Variants in DDX6 observed in about 807,000 individuals in gnomAD.
DDX6 encodes the protein DEAD-box helicase 6.
In DDX6, 7 loss-of-function variants were observed where a neutral mutation model predicts 60.6. The ratio of observed to expected loss-of-function variants is 0.12; its 90% CI spans 0.07 to 0.22. DDX6 has a LOEUF of 0.22. Ranked by LOEUF, DDX6 falls within the 10% of genes least tolerant of loss-of-function variation. The pLI is 1.00. For missense variants in DDX6, 270 were observed against 589.9 expected (o/e 0.46, Z 5.62); for synonymous variants, 207 against 201.0 (o/e 1.03, Z -0.25).
intron 2 of DDX6, among the ~76,000 whole-genome samples, chr11:118,784,514 AGTG>A (rs1259658458): frequency 4.0e-5 from 6 of 150,420 alleles, no homozygotes; most frequent in African/African-American, 1.5e-4. Context: ...GCTGGAGTGC[AGTG>A]ACACGATCTT....
intron 11 of DDX6, 27 bp from the exon 12 acceptor site, chr11:118,755,530 T>G: frequency 7.5e-7 from 1 of 1,328,954 alleles, no homozygotes; most frequent in Non-Finnish European, 1.1e-6. Flanking sequence ...TAATTTTCAT[T>G]TTTTCAATTT....
Position 118,781,163 on chromosome 11 carries a change from CT to C in DDX6, c.221del (p.Lys74ArgfsTer3). 1 of 1,606,004 alleles carries C rather than the reference CT, an allele frequency of 6.2e-7. No individual in the cohort carries two copies. Among genetic ancestry groups the C allele is most frequent in the Non-Finnish European group, 8.5e-7 (1 of 1,175,224 alleles). On this transcript the variant is annotated frameshift_variant, in exon 3 of 14. Coordinates refer to ENST00000534980, the MANE Select transcript of DDX6 (RefSeq NM_004397.6). LOFTEE classifies it high-confidence loss of function. ...GATCCTTTGGAGGGAGTTTTAAAGT[CT>C]TTTTCCAGTCATCACCAGGTCTAGA... ...TTIKPGDDWK[K>X]TLKLPPKDLR... is the part of the protein sequence containing the mutation.
chr11:118,789,989 G>C (rs752573764), intron 1 of DDX6: 1 of 152,214 alleles, frequency 6.6e-6, no homozygotes, highest in Non-Finnish European at 1.5e-5. Flanking sequence ...GCCCCTAGCG[G>C]AGTTAATTAC....
At chr11:118,780,569 G>A (rs1193992813) in intron 3 of DDX6, among the ~76,000 whole-genome samples, 2 of 152,114 alleles carry the variant, frequency 1.3e-5, no homozygotes, top group African/African-American at 2.4e-5. Context: ...CGCCTGCCTC[G>A]GCCTCCCAAA....
rs375808166 is a variant in DDX6 at position 118,758,907 on chromosome 11, G to C, written c.865-5C>G. 1.1e-4 allele frequency: 184 copies of C among 1,612,718 alleles called. No homozygotes were observed. Among genetic ancestry groups the C allele is most frequent in the Non-Finnish European group, 1.4e-4 (160 of 1,179,468 alleles). ...GGGTTTCTGCAAATGGGAATTCTGG[G>C]GGGGGAGCGGGAAAAAGATGAGTCG... On this transcript the variant is annotated splice_region_variant and splice_polypyrimidine_tract_variant and intron_variant, in intron 8 of 13. Coordinates refer to ENST00000534980, the MANE Select transcript of DDX6 (RefSeq NM_004397.6).
At chr11:118,757,368 CA>C in intron 9 of DDX6, 81 bp from the exon 10 acceptor site, 1 of 656,092 alleles carries the variant, frequency 1.5e-6, no homozygotes, top group South Asian at 2.6e-5. Flanking sequence ...CACGAACCAG[CA>C]AAAAAGAAAC....
At chr11:118,775,134 G>A (rs925222552) in intron 4 of DDX6, among the ~76,000 whole-genome samples, 3 of 152,092 alleles carry the variant, frequency 2.0e-5, no homozygotes, top group African/African-American at 4.8e-5. Flanking sequence ...GGACAACATG[G>A]TGAAACCCCG....
intron 13 of DDX6, among the ~76,000 whole-genome samples, chr11:118,752,897 G>A (rs1214465947): frequency 6.6e-6 from 1 of 151,952 alleles, no homozygotes. Flanking sequence ...GAAACCAGCC[G>A]GGGCAACATA....
chr11:118,749,190 T>C lies in DDX6; in HGVS notation c.*2915A>G, dbSNP rs1204188026. On this transcript the variant is annotated 3_prime_UTR_variant, in exon 14 of 14. Transcript: ENST00000534980. ...CACAACTGTACAACCAAAGGCTAAA[T>C]GATGAGTTGGATGTAGTTTTAATAT... 1.3e-5 allele frequency: 2 copies of C among 151,938 alleles called. No individual in the cohort carries two copies. Among genetic ancestry groups the C allele is most frequent in the East Asian group, 3.9e-4 (2 of 5,178 alleles). 9.4% of individuals were successfully genotyped at this position (151,938 alleles called of 1,614,324 possible). A position where few individuals can be genotyped will look rare whatever the true frequency, so the allele number is the denominator to read the frequency against.
rs28459832 is a variant in DDX6 at position 118,763,852 on chromosome 11, A to G, written c.647-546T>C. 5.8e-4 allele frequency among the ~76,000 whole-genome samples: 85 copies of G among 146,388 alleles called. No homozygotes were observed. In the East Asian group the frequency reaches 0.011, roughly 19 times the overall value. On this transcript the variant is annotated intron_variant, in intron 6 of 13. Transcript: ENST00000534980. ...GTGTCTCAAATTAAAAAAAAAAAAA[A>G]AAAGAAAGAAAGAGAAGAAACACAT... is the stretch of plus-strand genomic sequence containing the variant.
chr11:118,779,933 T>A (rs1319635092), intron 3 of DDX6, among the ~76,000 whole-genome samples, 197 bp from the exon 4 acceptor site: 2 of 151,852 alleles, frequency 1.3e-5, no homozygotes, highest in Admixed American at 6.6e-5. Flanking sequence ...CTAGCCAACA[T>A]GGTGAAACTC....
chr11:118,768,266 A>C lies in DDX6; in HGVS notation c.456T>G (p.Ile152Met). The change falls in exon 5 of 14, where the codon ATT (isoleucine) becomes ATG (methionine). Residue 152 changes from isoleucine to methionine, a missense_variant. Physicochemically the swap from Ile to Met is conservative, Grantham distance 10. Coordinates refer to ENST00000534980, the MANE Select transcript of DDX6 (RefSeq NM_004397.6). ...NGTGKSGAYL[I>M]PLLERLDLKK... The stretch of plus-strand genomic sequence containing the variant: ...TCAGGTCTAGCCGTTCAAGTAAGGG[A>C]ATGAGGTAGGCACCGCTCTTGCCTG... 6.2e-7 allele frequency: 1 copy of C among 1,613,794 alleles called. No homozygotes were observed. Among genetic ancestry groups the C allele is most frequent in the Non-Finnish European group, 8.5e-7 (1 of 1,179,876 alleles).
intron 1 of DDX6, chr11:118,789,634 G>T (rs753818158): frequency 6.6e-6 from 1 of 152,118 alleles, no homozygotes; most frequent in Non-Finnish European, 1.5e-5. Context: ...CTACTTTCCT[G>T]TATTGACGGT....
At chr11:118,782,645 C>CT (rs35854068) in intron 2 of DDX6, among the ~76,000 whole-genome samples, 31,270 of 143,530 alleles carry the variant, frequency 0.22, 3,548 homozygotes, top group South Asian at 0.33. Flanking sequence ...GTACTAAAGC[C>CT]TTTTTTTTTT....
intron 13 of DDX6, chr11:118,754,498 G>A: frequency 2.1e-6 from 1 of 465,186 alleles, no homozygotes; most frequent in Non-Finnish European, 3.8e-6. Context: ...ACATTACCCG[G>A]GAAGCTGCAT....
chr11:118,759,030 AAACAAAAT>A lies in DDX6; in HGVS notation c.865-136_865-129del. 4.9e-6 allele frequency: 6 copies of A among 1,225,052 alleles called. No homozygotes were observed. In the South Asian group the frequency reaches 9.0e-5, roughly 18 times the overall value. 75.9% of individuals were successfully genotyped at this position (1,225,052 alleles called of 1,614,324 possible). A position where few individuals can be genotyped will look rare whatever the true frequency, so the allele number is the denominator to read the frequency against. On this transcript the variant is annotated intron_variant, in intron 8 of 13. Transcript: ENST00000534980. Reference sequence around the variant, plus strand: ...GCTGTAAGGGACGCAACTCTCTTCAAAACAAAATATATGATCTGTCATTACAGAATTTC... The same window carrying A: ...GCTGTAAGGGACGCAACTCTCTTCAAATATGATCTGTCATTACAGAATTTC...
At chr11:118,752,414 C>T (rs938143204) in intron 13 of DDX6, among the ~76,000 whole-genome samples, 1 of 152,036 alleles carries the variant, frequency 6.6e-6, no homozygotes, top group Non-Finnish European at 1.5e-5. Flanking sequence ...TCATGCTTGT[C>T]CAAGAGTTTG....
At chr11:118,763,735 G>A (rs1861252592) in intron 6 of DDX6, among the ~76,000 whole-genome samples, 1 of 151,666 alleles carries the variant, frequency 6.6e-6, no homozygotes, top group African/African-American at 2.4e-5. Context: ...TCAGGAGGCT[G>A]AGGTAGGAGA....
chr11:118,763,411 G>T (rs1218531763), intron 6 of DDX6, 105 bp from the exon 7 acceptor site: 5 of 852,088 alleles, frequency 5.9e-6, no homozygotes, highest in Admixed American at 2.0e-5. Flanking sequence ...ATAATTCTGA[G>T]AAATGCATTG....
Sources: allele counts gnomAD v4.1 joint callset (sites outside exome capture counted in the v4.1 genomes callset), GRCh38; gene constraint gnomAD v4.1.1; transcripts MANE v1.5; gene names NCBI Gene and HGNC (gene_info 2026-07-23, HGNC 2026-07-21).